The following FLT1 variants were observed in gnomAD, a reference collection of about 807,000 sequenced individuals.
The protein encoded by FLT1 is vascular endothelial growth factor receptor 1.
FLT1 carries 49 observed loss-of-function variants against 156.3 expected under a neutral mutation model. That is an observed-to-expected ratio of 0.31 (90% CI 0.25 to 0.40). The LOEUF (loss-of-function observed/expected upper bound fraction) is 0.40, where lower values mean the gene tolerates loss of function less well. Among genes scored for constraint, FLT1 ranks in the 10% least tolerant of loss-of-function variants. The pLI is 1.00. For synonymous variants in FLT1, 594 were observed against 583.8 expected (o/e 1.02, Z -0.25); for missense variants, 1,322 against 1,637.2 (o/e 0.81, Z 3.32).
intron 10 of FLT1, among the ~76,000 whole-genome samples, chr13:28,418,949 G>A (rs752858992): frequency 1.4e-4 from 21 of 152,048 alleles, no homozygotes; most frequent in Non-Finnish European, 2.8e-4. Flanking sequence ...GGGAAAATAG[G>A]GCAAGTAATC....
rs113088516 is a variant in FLT1 at position 28,343,070 on chromosome 13, C to G, written c.2355+2375G>C. On this transcript the variant is annotated intron_variant, in intron 16 of 29. Coordinates refer to ENST00000282397, the MANE Select transcript of FLT1 (RefSeq NM_002019.4). ...CTCAACTCACTGCAACTTCTGCCTC[C>G]CGGGTTCAAGTGATTCTCCTGCTTC... Among the ~76,000 whole-genome samples the G allele has an allele frequency of 2.3e-3, 345 of 152,174 alleles. 2 individuals are homozygous for G. The highest frequency in any genetic ancestry group is 0.01 in the Middle Eastern group (3 of 294).
chr13:28,343,170 A>G (rs1489356406), intron 16 of FLT1, among the ~76,000 whole-genome samples: 1 of 152,076 alleles, frequency 6.6e-6, no homozygotes, highest in Non-Finnish European at 1.5e-5. Context: ...TTTAGTAGAG[A>G]CGGGGTTTCA....
intron 10 of FLT1, among the ~76,000 whole-genome samples, chr13:28,409,341 C>A (rs12863785): frequency 0.42 from 63,318 of 149,866 alleles, 15,089 homozygotes; most frequent in Middle Eastern, 0.62. Context: ...AACCTACGAT[C>A]TTTCTTTCTT....
chr13:28,375,108 T>C (rs1244877127), intron 14 of FLT1, among the ~76,000 whole-genome samples: 1 of 152,210 alleles, frequency 6.6e-6, no homozygotes, highest in Non-Finnish European at 1.5e-5. Context: ...TAGGATAGGA[T>C]ATATTGCTAT....
At chr13:28,438,713 G>A (rs151222375) in intron 3 of FLT1, among the ~76,000 whole-genome samples, 32 of 152,282 alleles carry the variant, frequency 2.1e-4, no homozygotes, top group East Asian at 3.9e-4. Flanking sequence ...CTCAGGAAGC[G>A]CCCTCCAGAG....
intron 10 of FLT1, among the ~76,000 whole-genome samples, chr13:28,418,007 G>A (rs922520580): frequency 1.4e-5 from 2 of 145,812 alleles, no homozygotes; most frequent in African/African-American, 5.6e-5. Flanking sequence ...AGTGCTTGCT[G>A]AATCCTAATC....
intron 10 of FLT1, among the ~76,000 whole-genome samples, chr13:28,426,454 CCTTGGCCCAGCCTAAAG>C (rs1326296571): frequency 6.6e-6 from 1 of 152,152 alleles, no homozygotes; most frequent in African/African-American, 2.4e-5. Context: ...TGTGTGCCAG[CCTTGGCCCAGCCTAAAG>C]ACACAAGGGT....
chr13:28,426,039 G>A (rs999253642), intron 10 of FLT1, among the ~76,000 whole-genome samples: 4 of 151,910 alleles, frequency 2.6e-5, no homozygotes, highest in African/African-American at 7.3e-5. Context: ...TAAGCAAAAC[G>A]AGTTGGAATT....
chr13:28,440,793 G>A (rs1375613818), intron 3 of FLT1, among the ~76,000 whole-genome samples: 2 of 152,276 alleles, frequency 1.3e-5, no homozygotes, highest in Admixed American at 1.3e-4. Context: ...ATTAATATAT[G>A]TAAAGCACTT....
rs779158951 is a variant in FLT1, at chr13:28,494,807, C to T, written c.37G>A (p.Ala13Thr). ...GTGAGAAGCAGACAGCTGAGCAGCG[C>T]GCACAGCAGGACCCCGGTGTCCCAG... The part of the protein sequence containing the change: ...SYWDTGVLLC[A>T]LLSCLLLTGS... The change falls in exon 1 of 30, where the codon GCG becomes ACG. Residue 13 changes from alanine to threonine, a missense_variant. By Grantham distance (58) the Ala-to-Thr change is moderately conservative. Transcript: ENST00000282397. The T allele has an allele frequency of 1.3e-5, 20 of 1,575,284 alleles. No individual in the cohort carries two copies. The highest frequency in any genetic ancestry group is 8.8e-5 in the Admixed American group (5 of 56,688).
At chr13:28,459,403 A>C (rs184120341) in intron 3 of FLT1, among the ~76,000 whole-genome samples, 1 of 152,336 alleles carries the variant, frequency 6.6e-6, no homozygotes, top group East Asian at 1.9e-4. Flanking sequence ...TTCCTACTGG[A>C]AGATTAGTGT....
rs550851388 is a variant in FLT1, at chr13:28,472,918, C to A, written c.65-5301G>T. ...CTTATGGTTAGTAAAAAGACAACAG[C>A]CTAATTTTAAAGATCAACCAAGGCT... On this transcript the variant is annotated intron_variant, in intron 1 of 29. Transcript: ENST00000282397. Among the ~76,000 whole-genome samples, 11 of 152,168 alleles carry A rather than the reference C, an allele frequency of 7.2e-5. No homozygotes were observed. In the South Asian group the frequency reaches 2.3e-3, roughly 32 times the overall value.
chr13:28,472,372 G>T (rs1316772129), intron 1 of FLT1, among the ~76,000 whole-genome samples: 1 of 152,188 alleles, frequency 6.6e-6, no homozygotes, highest in Non-Finnish European at 1.5e-5. Context: ...TGCCATGATG[G>T]ATACTAAAAG....
rs147907204 is a variant in FLT1 at position 28,377,261 on chromosome 13, C to T, written c.2116+7624G>A. Among the ~76,000 whole-genome samples the T allele has an allele frequency of 2.8e-3, 433 of 152,282 alleles. 3 individuals carry two copies. The highest frequency in any genetic ancestry group is 9.4e-3 in the African/African-American group (389 of 41,558). On this transcript the variant is annotated intron_variant, in intron 14 of 29. Coordinates refer to ENST00000282397, the MANE Select transcript of FLT1 (RefSeq NM_002019.4). ...TTCTTTACTCAGTTCTAATTTGGAGCCCCTACTAATTTCCCCTTATCTCTT... is the reference window on the plus strand; with the variant it reads ...TTCTTTACTCAGTTCTAATTTGGAGTCCCTACTAATTTCCCCTTATCTCTT...
In FLT1 at chr13:28,310,041, C is replaced by T. The variant is rs539426305; in HGVS notation, c.3636-1114G>A. On this transcript the variant is annotated intron_variant, in intron 27 of 29. Coordinates refer to ENST00000282397, the MANE Select transcript of FLT1 (RefSeq NM_002019.4). The stretch of plus-strand genomic sequence containing the variant: ...AGTAGCTGGGACTACAGGTACGTGC[C>T]ACCACACCCAGCTAATTTTTGTATT... Among the ~76,000 whole-genome samples the T allele has an allele frequency of 4.6e-5, 7 of 152,088 alleles. No individual in the cohort carries two copies. The South Asian group carries it at 1.0e-3, about 23-fold the overall frequency.
chr13:28,304,967 A>G (rs1383487431), intron 29 of FLT1, among the ~76,000 whole-genome samples: 1 of 152,208 alleles, frequency 6.6e-6, no homozygotes, highest in Admixed American at 6.5e-5. Context: ...ACTTTTGGCT[A>G]TCATGAATAA....
chr13:28,403,713 T>C (rs1023103793), intron 11 of FLT1, among the ~76,000 whole-genome samples: 2 of 152,248 alleles, frequency 1.3e-5, no homozygotes, highest in African/African-American at 2.4e-5. Context: ...ACTAATTTGC[T>C]GTTCACTGCT....
At chr13:28,424,452 T>C (rs1486521638) in intron 10 of FLT1, among the ~76,000 whole-genome samples, 29 of 151,304 alleles carry the variant, frequency 1.9e-4, no homozygotes, top group Admixed American at 1.9e-3. Flanking sequence ...ATTTTACTAC[T>C]TTTTTTTTAA....
At chr13:28,345,671 G>A (rs1417173901) in intron 15 of FLT1, 120 bp from the exon 16 acceptor site, 1 of 712,776 alleles carries the variant, frequency 1.4e-6, no homozygotes, top group African/African-American at 1.8e-5. Flanking sequence ...AACCCAATCT[G>A]CTGCCACAAA....
Sources: gnomAD v4.1 joint callset for allele counts (sites outside exome capture counted in the v4.1 genomes callset) on GRCh38, gnomAD v4.1.1 for gene constraint, MANE v1.5 for transcripts, NCBI Gene and HGNC (gene_info 2026-07-23, HGNC 2026-07-21) for gene names.